Variants in AFF4 observed in about 807,000 individuals in gnomAD.
AFF4 encodes the protein ALF transcription elongation factor 4.
AFF4 carries 13 observed loss-of-function variants against 124.8 expected under a neutral mutation model. That is an observed-to-expected ratio of 0.10 (90% confidence interval 0.07 to 0.17). The LOEUF (loss-of-function observed/expected upper bound fraction) is 0.17. Ranked by LOEUF, AFF4 falls within the 10% of genes least tolerant of loss-of-function variation. The pLI is 1.00. For synonymous variants in AFF4, 477 were observed against 496.1 expected (o/e 0.96, Z 0.51); for missense variants, 1,092 against 1,403.8 (o/e 0.78, Z 3.55).
intron 5 of AFF4, among the ~76,000 whole-genome samples, chr5:132,921,490 G>A (rs1254455251): frequency 1.5e-5 from 2 of 133,788 alleles, no homozygotes; most frequent in Admixed American, 1.6e-4. Flanking sequence ...TTTTTTTTGA[G>A]ACAGTTTCGC....
chr5:132,916,228 G>A (rs140238150), intron 5 of AFF4, among the ~76,000 whole-genome samples: 1,827 of 99,938 alleles, frequency 0.018, 50 homozygotes, highest in African/African-American at 0.068. Flanking sequence ...GACAGAGTAA[G>A]ATGCTGTCTC....
In AFF4 at chr5:132,877,294, G is replaced by A. The variant is rs993025049; in HGVS notation, c.*3765C>T. ...CTTTCCCACCCTGTAAGAGCCCTAC[G>A]ACACTACAGAAGGGCTCAAATACAT... On this transcript the variant is annotated 3_prime_UTR_variant, in exon 21 of 21. Transcript: ENST00000265343. The A allele has an allele frequency of 2.4e-5, 5 of 211,774 alleles. No individual in the cohort carries two copies. The highest frequency in any genetic ancestry group is 1.4e-4 in the East Asian group (2 of 13,992). The allele number at this position is 211,774 out of a possible 1,614,324, so 13.1% of individuals were successfully genotyped here.
chr5:132,931,967 C>CAA (rs895892782), intron 4 of AFF4, among the ~76,000 whole-genome samples: 1 of 150,036 alleles, frequency 6.7e-6, no homozygotes, highest in African/African-American at 2.4e-5. Context: ...ACAACAACAA[C>CAA]AAAAAAAAAC....
chr5:132,884,664 G>A (rs1760071046), intron 19 of AFF4, among the ~76,000 whole-genome samples: 1 of 152,212 alleles, frequency 6.6e-6, no homozygotes, highest in Admixed American at 6.5e-5. Context: ...GTTCCATGGT[G>A]TTTTTTATCC....
At chr5:132,921,519 A>G (rs993748040) in intron 5 of AFF4, among the ~76,000 whole-genome samples, 2 of 146,412 alleles carry the variant, frequency 1.4e-5, no homozygotes, top group African/African-American at 5.1e-5. Flanking sequence ...CCCAGGCTGC[A>G]GTGCAATGAC....
intron 4 of AFF4, among the ~76,000 whole-genome samples, chr5:132,930,259 G>GT (rs1179841092): frequency 6.6e-6 from 1 of 152,170 alleles, no homozygotes; most frequent in Non-Finnish European, 1.5e-5. Context: ...GAAAAGGCAA[G>GT]TCAAAGAGCA....
intron 1 of AFF4, among the ~76,000 whole-genome samples, chr5:132,959,991 G>A (rs1008387415): frequency 1.2e-4 from 19 of 152,050 alleles, no homozygotes; most frequent in African/African-American, 4.3e-4. Flanking sequence ...TCCTGACCTC[G>A]TGATCCGCCA....
At chr5:132,894,285 T>C (rs1316049731) in intron 11 of AFF4, among the ~76,000 whole-genome samples, 1 of 152,222 alleles carries the variant, frequency 6.6e-6, no homozygotes, top group East Asian at 1.9e-4. Flanking sequence ...ATTTCTATTC[T>C]CATCAGCACC....
chr5:132,927,410 T>C (rs1303333809), intron 4 of AFF4: 1 of 451,104 alleles, frequency 2.2e-6, no homozygotes, highest in Non-Finnish European at 3.9e-6. Flanking sequence ...CTCCCTGGCT[T>C]TGAGGAGTTT....
At chr5:132,908,545 T>C (rs1477021612) in intron 5 of AFF4, among the ~76,000 whole-genome samples, 2 of 151,882 alleles carry the variant, frequency 1.3e-5, no homozygotes, top group East Asian at 3.9e-4. Context: ...ATTAGAAGGA[T>C]GCATTTTATT....
At chr5:132,933,676 G>A (rs918893637) in intron 3 of AFF4, among the ~76,000 whole-genome samples, 1 of 152,172 alleles carries the variant, frequency 6.6e-6, no homozygotes, top group African/African-American at 2.4e-5. Context: ...TATAACCAGA[G>A]AAAAGGATCA....
At chr5:132,899,206 A>G in intron 8 of AFF4, 65 bp from the exon 9 acceptor site, 1 of 1,471,740 alleles carries the variant, frequency 6.8e-7, no homozygotes, top group Non-Finnish European at 9.4e-7. Flanking sequence ...CTTAGTGTGA[A>G]TAATATCTGA....
In AFF4 at chr5:132,928,504, A is replaced by G. The variant is rs574161971; in HGVS notation, c.964-1297T>C. On this transcript the variant is annotated intron_variant, in intron 4 of 20. Coordinates refer to ENST00000265343, the MANE Select transcript of AFF4 (RefSeq NM_014423.4). ...ATCTTCCTCATTTTTTCCTTCAAAA[A>G]CCTTTGTCTCTCTTTACCTCTTTGA... is the stretch of plus-strand genomic sequence containing the variant. 1.7e-3 allele frequency among the ~76,000 whole-genome samples: 252 copies of G among 152,154 alleles called. 1 individual carries two copies. The highest frequency in any genetic ancestry group is 5.8e-3 in the African/African-American group (239 of 41,518).
At chr5:132,922,778 C>CA (rs554387527) in intron 5 of AFF4, among the ~76,000 whole-genome samples, 2,779 of 55,554 alleles carry the variant, frequency 0.05, 45 homozygotes, top group Middle Eastern at 0.082. Context: ...GACTCCATCT[C>CA]AAAAAAAAAA....
At chr5:132,937,812 G>GT (rs34741850) in intron 1 of AFF4, 1 of 152,134 alleles carries the variant, frequency 6.6e-6, no homozygotes. Context: ...CAAAACCCAG[G>GT]TTTTCAGTGA....
chr5:132,930,306 A>G (rs1761269086), intron 4 of AFF4, among the ~76,000 whole-genome samples: 1 of 152,354 alleles, frequency 6.6e-6, no homozygotes, highest in East Asian at 1.9e-4. Context: ...AAGAAACAAG[A>G]GAAGGCACAA....
intron 3 of AFF4, 108 bp downstream of exon 3, chr5:132,934,039 T>C: frequency 7.9e-7 from 1 of 1,258,132 alleles, no homozygotes; most frequent in Non-Finnish European, 1.1e-6. Flanking sequence ...ACTTTTACAT[T>C]CCTTACTATT....
intron 5 of AFF4, among the ~76,000 whole-genome samples, chr5:132,909,681 C>T (rs955786882): frequency 6.6e-6 from 1 of 152,122 alleles, no homozygotes; most frequent in African/African-American, 2.4e-5. Context: ...CATTTCATTA[C>T]AGAATATATT....
intron 1 of AFF4, among the ~76,000 whole-genome samples, chr5:132,939,274 T>TATGTATACAATTTTCTAATAAGCTTA (rs1032818907): frequency 6.6e-6 from 1 of 152,082 alleles, no homozygotes; most frequent in Non-Finnish European, 1.5e-5. Flanking sequence ...AATTGTTTTG[T>TATGTATACAATTTTCTAATAAGCTTA]ATGTATACAA....
Sources: gnomAD v4.1 joint callset for allele counts (sites outside exome capture counted in the v4.1 genomes callset) on GRCh38, gnomAD v4.1.1 for gene constraint, MANE v1.5 for transcripts, NCBI Gene and HGNC (gene_info 2026-07-23, HGNC 2026-07-21) for gene names.